CDH3: variants seen among roughly 807,000 people sequenced by gnomAD.
CDH3 encodes the protein cadherin-3.
A neutral mutation model predicts 82.0 loss-of-function variants in CDH3; 54 were observed. The ratio of observed to expected loss-of-function variants is 0.66; its 90% CI spans 0.53 to 0.83. CDH3 has a LOEUF of 0.83. CDH3 is among the 40% of genes least tolerant of loss of function. The pLI, the probability that CDH3 is intolerant of heterozygous loss-of-function variation, is 0.00. For missense variants in CDH3, 1,054 were observed against 1,084.6 expected (o/e 0.97, Z 0.40); for synonymous variants, 446 against 437.9 (o/e 1.02, Z -0.23).
intron 2 of CDH3, among the ~76,000 whole-genome samples, chr16:68,663,747 G>A (rs577434994): frequency 1.5e-4 from 23 of 151,928 alleles, no homozygotes; most frequent in Non-Finnish European, 2.2e-4. Flanking sequence ...GGAAGAAGCA[G>A]CTGCTAGCTA....
At chr16:68,684,921 T>G in intron 10 of CDH3, 97 bp downstream of exon 10, 1 of 1,447,984 alleles carries the variant, frequency 6.9e-7, no homozygotes, top group African/African-American at 1.4e-5. Flanking sequence ...TAGAGATTGT[T>G]AAATAGGAAT....
At chr16:68,724,395 G>A (rs1205838768) in intron 2 of CDH3, among the ~76,000 whole-genome samples, 2 of 152,062 alleles carry the variant, frequency 1.3e-5, no homozygotes, top group East Asian at 3.9e-4. Flanking sequence ...AAGGAAGGAG[G>A]ATCACTTGAG....
intron 7 of CDH3, 31 bp downstream of exon 7, chr16:68,680,005 C>A: frequency 1.3e-6 from 2 of 1,598,792 alleles, no homozygotes; most frequent in South Asian, 1.1e-5. Context: ...GTACTGCCTA[C>A]CCAGACTTGC....
intron 1 of CDH3, among the ~76,000 whole-genome samples, chr16:68,712,365 C>G (rs1962042400): frequency 6.6e-6 from 1 of 151,916 alleles, no homozygotes; most frequent in Non-Finnish European, 1.5e-5. Context: ...GCAGCTGGAG[C>G]TGGGAGTAAA....
Position 68,684,690 on chromosome 16 carries a change from C to T in CDH3, c.1290C>T (p.His430=), listed in dbSNP as rs1223690532. The change falls in exon 10 of 16, where the codon CAC becomes CAT. Residue 430 remains histidine, a synonymous_variant. Transcript: ENST00000264012. ...CCTCCACAGCCACCATAGTGGTCCA[C>T]GTGGAGGATGTGAATGAGGCACCTG... is the stretch of plus-strand genomic sequence containing the variant. ...LPTSTATIVV[H]VEDVNEAPVF... 3.7e-6 allele frequency: 6 copies of T among 1,614,224 alleles called. No individual in the cohort carries two copies. Among genetic ancestry groups the T allele is most frequent in the East Asian group, 2.2e-5 (1 of 44,878 alleles).
chr16:68,685,375 C>T, intron 11 of CDH3, 25 bp downstream of exon 11: 1 of 1,612,734 alleles, frequency 6.2e-7, no homozygotes, highest in Non-Finnish European at 8.5e-7. Context: ...CCAGCCCTCC[C>T]ACAAGGGCCA....
intron 11 of CDH3, 149 bp downstream of exon 11, chr16:68,685,499 A>G: frequency 1.2e-6 from 1 of 839,870 alleles, no homozygotes; most frequent in South Asian, 1.4e-5. Flanking sequence ...GGTCTTTCAG[A>G]GGAGTCTTTT....
At chr16:68,684,976 G>A in intron 10 of CDH3, 152 bp downstream of exon 10, 1 of 1,182,392 alleles carries the variant, frequency 8.5e-7, no homozygotes, top group Non-Finnish European at 1.2e-6. Flanking sequence ...CTTTGAGGCT[G>A]AAGACTGAAT....
intron 1 of CDH3, among the ~76,000 whole-genome samples, chr16:68,705,512 C>A (rs371575970): frequency 3.7e-4 from 57 of 152,144 alleles, no homozygotes; most frequent in African/African-American, 1.3e-3. Context: ...ACCTCCACCT[C>A]CCGAGTTCAA....
At chr16:68,717,278 T>C (rs1358657780) in intron 1 of CDH3, among the ~76,000 whole-genome samples, 2 of 152,160 alleles carry the variant, frequency 1.3e-5, no homozygotes, top group Non-Finnish European at 2.9e-5. Context: ...TACCTACCTA[T>C]TAGAATGGCT....
At chr16:68,704,300 A>AT (rs1349490412), downstream of CDH3, among the ~76,000 whole-genome samples, 1 of 152,020 alleles carries the variant, frequency 6.6e-6, no homozygotes, top group Non-Finnish European at 1.5e-5. Context: ...AAAAAAAAAA[A>AT]AGGGTTAATA....
At chr16:68,713,577 T>G (rs1345788495) in intron 1 of CDH3, among the ~76,000 whole-genome samples, 1 of 151,950 alleles carries the variant, frequency 6.6e-6, no homozygotes, top group Non-Finnish European at 1.5e-5. Context: ...TCCCAAGGAC[T>G]CCTCCTCCAG....
At chr16:68,709,112 C>T (rs1466818457) in intron 1 of CDH3, among the ~76,000 whole-genome samples, 2 of 152,036 alleles carry the variant, frequency 1.3e-5, no homozygotes, top group Non-Finnish European at 2.9e-5. Context: ...GGTCTCACTC[C>T]ATCTACTAGG....
intron 12 of CDH3, among the ~76,000 whole-genome samples, chr16:68,690,604 C>T (rs937780292): frequency 6.9e-6 from 1 of 145,218 alleles, no homozygotes; most frequent in African/African-American, 2.6e-5. Flanking sequence ...TAGAGCAAGA[C>T]TCTGTCTAAA....
chr16:68,701,059 C>T (rs1567460462), downstream of CDH3, among the ~76,000 whole-genome samples: 1 of 152,174 alleles, frequency 6.6e-6, no homozygotes, highest in Non-Finnish European at 1.5e-5. Context: ...CAACTCCCTT[C>T]AGAGAAGCCT....
Position 68,680,952 on chromosome 16 carries a change from T to C in CDH3, c.868-16T>C. On this transcript the variant is annotated splice_polypyrimidine_tract_variant and intron_variant, in intron 7 of 15. Transcript: ENST00000264012. ...GATTAAACTCACAATGGGCTTCCCC[T>C]CTCCTTTCTCCCCAGAAAGTCCCTG... 1 of 1,613,886 alleles carries C rather than the reference T, an allele frequency of 6.2e-7. No homozygotes were observed. The highest frequency in any genetic ancestry group is 2.2e-5 in the East Asian group (1 of 44,858).
At chr16:68,730,921 G>A (rs1175646678), downstream of CDH3, among the ~76,000 whole-genome samples, 1 of 148,630 alleles carries the variant, frequency 6.7e-6, no homozygotes, top group African/African-American at 2.5e-5. Flanking sequence ...TGAGGAGGCT[G>A]AGGCAGGAGA....
chr16:68,681,995 C>T (rs887603072), intron 8 of CDH3, among the ~76,000 whole-genome samples: 2 of 152,274 alleles, frequency 1.3e-5, no homozygotes, highest in South Asian at 4.1e-4. Context: ...CCTTTCTGAT[C>T]TCAGCTGGAT....
rs1045758877 is a variant in CDH3 at position 68,707,841 on chromosome 16, G to A, written c.99+11918G>A. On this transcript the variant is annotated intron_variant, in intron 1 of 2. Transcript: ENST00000569080. The surrounding 1 kb of genome is among the most constrained non-coding windows in gnomAD (Gnocchi z 4.5). ...GCCCAGCAAGCGGCAGGGGTGTGGC[G>A]GGCCGGGGAGGAATCTGAGAGGGGC... is the stretch of plus-strand genomic sequence containing the variant. Among the ~76,000 whole-genome samples the A allele has an allele frequency of 7.2e-5, 11 of 152,190 alleles. 1 individual carries two copies. Among genetic ancestry groups the A allele is most frequent in the African/African-American group, 2.2e-4 (9 of 41,540 alleles).
Sources: gnomAD v4.1 joint callset for allele counts (sites outside exome capture counted in the v4.1 genomes callset) on GRCh38, gnomAD v4.1.1 for gene constraint, Gnocchi (gnomAD v3.1) non-coding constraint, MANE v1.5 for transcripts, NCBI Gene and HGNC (gene_info 2026-07-23, HGNC 2026-07-21) for gene names.